Variants in BDKRB2 observed in about 807,000 individuals in gnomAD.
The protein encoded by BDKRB2 is B2 bradykinin receptor.
In BDKRB2, 6 loss-of-function variants were observed where a neutral mutation model predicts 4.0. That is an observed-to-expected ratio of 1.49 (90% CI 0.81 to 2.93). The LOEUF (loss-of-function observed/expected upper bound fraction) is 2.93, where lower values mean the gene tolerates loss of function less well. Ranked by LOEUF, BDKRB2 falls within the 30% of genes most tolerant of loss-of-function variation. The pLI is 0.00. For synonymous variants in BDKRB2, 225 were observed against 215.3 expected, an observed-to-expected ratio of 1.05 and a Z score of -0.40; for missense variants, 478 against 520.1, an observed-to-expected ratio of 0.92 and a Z score of 0.79.
In BDKRB2 at chr14:96,237,154, A is replaced by C. The variant is rs140696405; in HGVS notation, c.47A>C (p.Asp16Ala). 5.7e-4 allele frequency: 919 copies of C among 1,613,900 alleles called. 4 individuals carry two copies. The African/African-American group carries it at 0.01, about 18-fold the overall frequency. Residue 16 changes from aspartate (D) to alanine (A), a missense_variant, in exon 2 of 3, where the codon GAC becomes GCC. Physicochemically the swap from Asp to Ala is moderately radical, Grantham distance 126 (BLOSUM62 -2). Coordinates refer to ENST00000554311, the MANE Select transcript of BDKRB2 (RefSeq NM_001379692.1). ...KISMFLSVRE[D>A]SVPTTASFSA... ...TCAATGTTTCTGTCTGTTCGTGAGG[A>C]CTCCGTGCCCACCACGGCCTCTTTC...
chr14:96,243,200 G>A lies in BDKRB2; in HGVS notation c.*1696G>A, dbSNP rs929852565. ...TGGAGAGCTAGAACCTGGAGGGCTAGAATCTGGAGAGCTAGAACCTGGAGG... is the reference window on the plus strand; with the variant it reads ...TGGAGAGCTAGAACCTGGAGGGCTAAAATCTGGAGAGCTAGAACCTGGAGG... On this transcript the variant is annotated 3_prime_UTR_variant, in exon 3 of 3. Transcript: ENST00000554311. 6.5e-6 allele frequency: 1 copy of A among 153,760 alleles called. No homozygotes were observed. Among genetic ancestry groups the A allele is most frequent in the African/African-American group, 2.5e-5 (1 of 40,538 alleles). 9.5% of individuals were successfully genotyped at this position (153,760 alleles called of 1,614,324 possible).
intron 1 of BDKRB2, among the ~76,000 whole-genome samples, chr14:96,220,229 T>C (rs1890526269): frequency 6.6e-6 from 1 of 151,844 alleles, no homozygotes; most frequent in Non-Finnish European, 1.5e-5. Flanking sequence ...CTGAGAGTTG[T>C]GTGGTCCTGG....
At chr14:96,236,501 G>A (rs569040682) in intron 1 of BDKRB2, among the ~76,000 whole-genome samples, 4 of 152,256 alleles carry the variant, frequency 2.6e-5, no homozygotes, top group South Asian at 2.1e-4. Context: ...CCCCATCCAT[G>A]TCCAATCAAG....
chr14:96,214,135 T>C (rs1303893300), intron 1 of BDKRB2, among the ~76,000 whole-genome samples: 1 of 152,136 alleles, frequency 6.6e-6, no homozygotes, highest in Non-Finnish European at 1.5e-5. Context: ...GGGGGCACCC[T>C]GCATGTCCCC....
chr14:96,244,078 A>C lies in BDKRB2; in HGVS notation c.*2574A>C, dbSNP rs146046215. 64 of 398,010 alleles carry C rather than the reference A, an allele frequency of 1.6e-4. No individual in the cohort carries two copies. The highest frequency in any genetic ancestry group is 1.3e-3 in the African/African-American group (63 of 48,752). 24.7% of individuals were successfully genotyped at this position (398,010 alleles called of 1,614,324 possible). A position where few individuals can be genotyped will look rare whatever the true frequency, so the allele number is the denominator to read the frequency against. On this transcript the variant is annotated 3_prime_UTR_variant, in exon 3 of 3. Transcript: ENST00000554311. ...AGACTCAATGAGCTGTTATGTTGTA[A>C]ACAGGAAGCATTTCACATCCAAACG...
rs751926388 is a variant in BDKRB2, at chr14:96,237,024, T to C, written c.-39-45T>C. On this transcript the variant is annotated intron_variant, in intron 1 of 2. Transcript: ENST00000554311. ...GCTGGAGAATGCGTGTATTTTGCAA[T>C]CCCCAGCCCCTGTGCCATCTAACCA... The C allele has an allele frequency of 4.2e-6, 5 of 1,181,540 alleles. No homozygotes were observed. The Admixed American group carries it at 8.5e-5, about 20-fold the overall frequency. 73.2% of individuals were successfully genotyped at this position (1,181,540 alleles called of 1,614,324 possible). A position where few individuals can be genotyped will look rare whatever the true frequency, so the allele number is the denominator to read the frequency against.
chr14:96,213,961 G>T (rs1162228534), intron 1 of BDKRB2, among the ~76,000 whole-genome samples: 2 of 152,214 alleles, frequency 1.3e-5, no homozygotes, highest in Non-Finnish European at 2.9e-5. Context: ...AACTCCCAAA[G>T]ATGCTCAGGC....
chr14:96,217,962 G>T (rs557389719), intron 1 of BDKRB2, among the ~76,000 whole-genome samples: 1 of 152,172 alleles, frequency 6.6e-6, no homozygotes, highest in East Asian at 1.9e-4. Context: ...GAGTCACCCA[G>T]GTCCCCACTT....
rs569959787 is a variant in BDKRB2 at position 96,211,849 on chromosome 14, C to T, written c.-40+6890C>T. 9.2e-5 allele frequency among the ~76,000 whole-genome samples: 14 copies of T among 152,242 alleles called. No individual in the cohort carries two copies. In the East Asian group the frequency reaches 2.3e-3, roughly 25 times the overall value. On this transcript the variant is annotated intron_variant, in intron 1 of 2. Transcript: ENST00000554311. ...AAAACTGGGAACTCCCTGCGAAGGCCGGTGCATTACAGGGCAGTCCTACTC... is the reference window on the plus strand; with the variant it reads ...AAAACTGGGAACTCCCTGCGAAGGCTGGTGCATTACAGGGCAGTCCTACTC...
At position 96,241,444 on chromosome 14, in the gene BDKRB2, C is replaced by T. The variant is rs1595266789; in HGVS notation, c.1116C>T (p.Thr372=). 6.3e-7 allele frequency: 1 copy of T among 1,592,106 alleles called. No homozygotes were observed. The highest frequency in any genetic ancestry group is 2.2e-5 in the East Asian group (1 of 44,796). ...AGAACTCCATGGGCACACTGCGGACCTCCATCTCCGTGGAACGCCAGATTC... is the reference window on the plus strand; with the variant it reads ...AGAACTCCATGGGCACACTGCGGACTTCCATCTCCGTGGAACGCCAGATTC... ...QMENSMGTLR[T]SISVERQIHK... is the part of the protein sequence containing the mutation. The change falls in exon 3 of 3, where the codon ACC becomes ACT. Residue 372 remains threonine, a synonymous_variant. Coordinates refer to ENST00000554311, the MANE Select transcript of BDKRB2 (RefSeq NM_001379692.1).
Position 96,234,321 on chromosome 14 carries a change from T to C in BDKRB2, c.-39-2748T>C, listed in dbSNP as rs553018369. On this transcript the variant is annotated intron_variant, in intron 1 of 2. Coordinates refer to ENST00000554311, the MANE Select transcript of BDKRB2 (RefSeq NM_001379692.1). ...TCCCCCCTCGCGATCAGGCCCCTGA[T>C]AAAAGCAGTGAACTCTGCTCCAGGT... Among the ~76,000 whole-genome samples the C allele has an allele frequency of 2.0e-5, 3 of 152,188 alleles. No individual in the cohort carries two copies. In the South Asian group the frequency reaches 6.2e-4, roughly 32 times the overall value.
intron 1 of BDKRB2, among the ~76,000 whole-genome samples, chr14:96,208,670 C>T (rs1034533967): frequency 8.5e-5 from 13 of 152,212 alleles, no homozygotes; most frequent in Non-Finnish European, 1.5e-5. Context: ...AAGGCCATGG[C>T]CGCTTAAGGG....
intron 1 of BDKRB2, among the ~76,000 whole-genome samples, chr14:96,224,880 G>T (rs990464121): frequency 1.3e-5 from 2 of 152,174 alleles, no homozygotes; most frequent in African/African-American, 4.8e-5. Context: ...TTGGATAGAA[G>T]ACAAAGGTCA....
Position 96,240,578 on chromosome 14 carries a change from CT to C in BDKRB2, c.251del (p.Leu84ArgfsTer21). ...ENIFVLSVFC[L>X]HKSSCTVAEI... ...CATCTTTGTCCTCAGCGTCTTCTGC[CT>C]GCACAAGAGCAGCTGCACGGTGGCA... On this transcript the variant is annotated frameshift_variant, in exon 3 of 3. Coordinates refer to ENST00000554311, the MANE Select transcript of BDKRB2 (RefSeq NM_001379692.1). LOFTEE classifies it low-confidence loss of function (END_TRUNC). 1 of 1,562,958 alleles carries C rather than the reference CT, an allele frequency of 6.4e-7. No individual in the cohort carries two copies.
At chr14:96,219,028 G>A (rs1297765421) in intron 1 of BDKRB2, among the ~76,000 whole-genome samples, 1 of 152,066 alleles carries the variant, frequency 6.6e-6, no homozygotes, top group Non-Finnish European at 1.5e-5. Context: ...GCACGGCCGG[G>A]CACGGTGGCT....
Position 96,241,970 on chromosome 14 carries a change from A to T in BDKRB2, c.*466A>T, listed in dbSNP as rs1290904495. Reference sequence around the variant, plus strand: ...TTAATCTATTCAGCTAGAACTTTGAAGGACAATTTCTTGCATTAATAAAGG... The same window carrying T: ...TTAATCTATTCAGCTAGAACTTTGATGGACAATTTCTTGCATTAATAAAGG... On this transcript the variant is annotated 3_prime_UTR_variant, in exon 3 of 3. Coordinates refer to ENST00000554311, the MANE Select transcript of BDKRB2 (RefSeq NM_001379692.1). 1 of 154,930 alleles carries T rather than the reference A, an allele frequency of 6.5e-6. No individual in the cohort carries two copies. The highest frequency in any genetic ancestry group is 2.4e-5 in the African/African-American group (1 of 41,526). The allele number at this position is 154,930 out of a possible 1,614,324, so 9.6% of individuals were successfully genotyped here. A position where few individuals can be genotyped will look rare whatever the true frequency, so the allele number is the denominator to read the frequency against.
chr14:96,227,868 C>T (rs1165199243), intron 1 of BDKRB2, among the ~76,000 whole-genome samples: 3 of 152,358 alleles, frequency 2.0e-5, no homozygotes, highest in African/African-American at 7.2e-5. Context: ...GAACACCCAT[C>T]AGAGCCCTGG....
chr14:96,225,893 C>T (rs1336903699), intron 1 of BDKRB2, among the ~76,000 whole-genome samples: 5 of 152,136 alleles, frequency 3.3e-5, no homozygotes, highest in East Asian at 1.9e-4. Context: ...GCAGAGACCC[C>T]GCCCACCACC....
At position 96,241,779 on chromosome 14, in the gene BDKRB2, T is replaced by A; in HGVS notation, c.*275T>A. 3.1e-6 allele frequency: 1 copy of A among 323,650 alleles called. No homozygotes were observed. The highest frequency in any genetic ancestry group is 5.4e-6 in the Non-Finnish European group (1 of 184,362). The allele number at this position is 323,650 out of a possible 1,614,324, so 20.0% of individuals were successfully genotyped here. A position where few individuals can be genotyped will look rare whatever the true frequency, so the allele number is the denominator to read the frequency against. ...GCCACACCTGAGCCAGCCTGCTCCT[T>A]CCCAGGAGTGGAGGAGGCCTGGGGG... On this transcript the variant is annotated 3_prime_UTR_variant, in exon 3 of 3. Transcript: ENST00000554311.
Sources: gnomAD v4.1 joint callset for allele counts (sites outside exome capture counted in the v4.1 genomes callset) on GRCh38, gnomAD v4.1.1 for gene constraint, MANE v1.5 for transcripts, NCBI Gene and HGNC (gene_info 2026-07-23, HGNC 2026-07-21) for gene names.